The following COPS4 variants were observed in gnomAD, a reference collection of about 807,000 sequenced individuals.
The protein encoded by COPS4 is COP9 signalosome complex subunit 4.
In COPS4, 8 loss-of-function variants were observed where a neutral mutation model predicts 55.1. The ratio of observed to expected loss-of-function variants is 0.15; its 90% CI spans 0.09 to 0.26. COPS4 has a LOEUF of 0.26. Among genes scored for constraint, COPS4 ranks in the 10% least tolerant of loss-of-function variants. COPS4 has a pLI of 1.00. For missense variants in COPS4, 248 were observed against 484.0 expected (o/e 0.51, Z 4.58); for synonymous variants, 185 against 165.7 (o/e 1.12, Z -0.90).
At chr4:83,041,193 G>C (rs1411158518) in intron 1 of COPS4, among the ~76,000 whole-genome samples, 17 of 151,672 alleles carry the variant, frequency 1.1e-4, no homozygotes, top group African/African-American at 4.1e-4. Flanking sequence ...CTCCTGAGTA[G>C]CTGGGACTAC....
intron 4 of COPS4, among the ~76,000 whole-genome samples, chr4:83,055,792 A>C (rs1730998969): frequency 6.6e-6 from 1 of 152,136 alleles, no homozygotes; most frequent in African/African-American, 2.4e-5. Flanking sequence ...TAATATCATA[A>C]TGGGTGATTT....
chr4:83,057,030 C>T lies in COPS4; in HGVS notation c.515C>T (p.Ser172Leu), dbSNP rs1731031886. The T allele has an allele frequency of 5.0e-6, 8 of 1,613,872 alleles. No homozygotes were observed. Among genetic ancestry groups the T allele is most frequent in the East Asian group, 2.2e-5 (1 of 44,868 alleles). ...GCAGAGGCTTACATAAATCGAGCATCGTTGCTTCAGAATGAATCAACCAAT... is the reference window on the plus strand; with the variant it reads ...GCAGAGGCTTACATAAATCGAGCATTGTTGCTTCAGAATGAATCAACCAAT... Reference protein sequence around the residue: ...VQAEAYINRASLLQNESTNEQ... With the variant: ...VQAEAYINRALLLQNESTNEQ... Residue 172 changes from serine (S) to leucine (L), a missense_variant, in exon 5 of 10, where the codon TCG becomes TTG. Ser to Leu is a moderately radical substitution (Grantham distance 145). Transcript: ENST00000264389.
At chr4:83,055,769 A>G (rs984185727) in intron 4 of COPS4, among the ~76,000 whole-genome samples, 2 of 151,904 alleles carry the variant, frequency 1.3e-5, no homozygotes, top group Non-Finnish European at 2.9e-5. Flanking sequence ...ATGCACCACA[A>G]CTTGATCACC....
chr4:83,049,259 A>G lies in COPS4; in HGVS notation c.248A>G (p.Glu83Gly). The G allele has an allele frequency of 1.9e-6, 3 of 1,612,366 alleles. No homozygotes were observed. The highest frequency in any genetic ancestry group is 2.5e-6 in the Non-Finnish European group (3 of 1,179,450). The stretch of plus-strand genomic sequence containing the variant: ...AACTTGCCTGATAGCACAGCCAAAG[A>G]AATCTATCACTTCACCTTGGAAAAG... The part of the protein sequence containing the change: ...LPNLPDSTAK[E>G]IYHFTLEKIQ... Residue 83 changes from glutamate (E) to glycine (G), a missense_variant, in exon 3 of 10, where the codon GAA becomes GGA. This residue lies in a region of COPS4 where 155 missense variants were observed against 326.6 expected (regional missense o/e 0.47). Transcript: ENST00000264389.
intron 1 of COPS4, among the ~76,000 whole-genome samples, chr4:83,045,127 T>G (rs1016021047): frequency 6.6e-6 from 1 of 152,234 alleles, no homozygotes; most frequent in Admixed American, 6.5e-5. Flanking sequence ...CGTTGCCTGG[T>G]CAACATTATC....
At chr4:83,040,287 T>C (rs1164101388) in intron 1 of COPS4, among the ~76,000 whole-genome samples, 1 of 152,226 alleles carries the variant, frequency 6.6e-6, no homozygotes, top group Non-Finnish European at 1.5e-5. Flanking sequence ...AATTGTATCA[T>C]GCTCTTTCTG....
intron 9 of COPS4, among the ~76,000 whole-genome samples, chr4:83,072,576 ATAT>A (rs1312580976): frequency 1.3e-5 from 2 of 152,186 alleles, no homozygotes; most frequent in Admixed American, 1.3e-4. Context: ...AATTTTTCTA[ATAT>A]TATTTTACAT....
rs185758864 is a variant in COPS4, at chr4:83,059,465, A to G, written c.715+2057A>G. 1.6e-3 allele frequency among the ~76,000 whole-genome samples: 242 copies of G among 152,306 alleles called. 1 individual carries two copies. Among genetic ancestry groups the G allele is most frequent in the Non-Finnish European group, 3.0e-3 (203 of 68,032 alleles). ...GAAAGCTCCTGTTTATGTAGATTCT[A>G]TCTACTGATTATTAGAAATTAAATG... is the stretch of plus-strand genomic sequence containing the variant. On this transcript the variant is annotated intron_variant, in intron 6 of 9. Coordinates refer to ENST00000264389, the MANE Select transcript of COPS4 (RefSeq NM_016129.3).
chr4:83,048,744 C>T (rs959905497), intron 2 of COPS4, among the ~76,000 whole-genome samples: 4 of 152,020 alleles, frequency 2.6e-5, no homozygotes, highest in Admixed American at 6.6e-5. Context: ...CAGGTTCAAG[C>T]GATTCTCTTG....
intron 1 of COPS4, among the ~76,000 whole-genome samples, chr4:83,044,937 T>C (rs1316354678): frequency 6.6e-6 from 1 of 152,200 alleles, no homozygotes; most frequent in African/African-American, 2.4e-5. Context: ...AACACAAGAA[T>C]TCCTGTCCTC....
intron 7 of COPS4, chr4:83,064,915 G>GGT (rs1041655787): frequency 1.5e-5 from 2 of 134,160 alleles, no homozygotes; most frequent in Non-Finnish European, 2.8e-5. Flanking sequence ...TTTGAGACAA[G>GGT]GTCTCACTCT....
intron 6 of COPS4, among the ~76,000 whole-genome samples, chr4:83,059,170 T>C (rs1353860503): frequency 6.6e-6 from 1 of 152,226 alleles, no homozygotes; most frequent in African/African-American, 2.4e-5. Flanking sequence ...TCTTTAGATA[T>C]GAAGGAAAAT....
chr4:83,070,439 T>G (rs779605815), intron 9 of COPS4, among the ~76,000 whole-genome samples: 10 of 152,168 alleles, frequency 6.6e-5, no homozygotes, highest in Non-Finnish European at 1.3e-4. Context: ...AAAACTGAAT[T>G]TATTATCTTC....
chr4:83,050,026 T>C (rs1270114384), intron 4 of COPS4, 42 bp downstream of exon 4: 1 of 1,152,180 alleles, frequency 8.7e-7, no homozygotes, highest in South Asian at 1.4e-5. Context: ...ATATAGGATG[T>C]ATATAATTGC....
intron 6 of COPS4, among the ~76,000 whole-genome samples, chr4:83,058,474 C>T (rs1731071059): frequency 6.6e-6 from 1 of 152,198 alleles, no homozygotes; most frequent in Non-Finnish European, 1.5e-5. Context: ...CTGCCTTGGC[C>T]TCCCAAAGTG....
Position 83,068,364 on chromosome 4 carries a change from T to G in COPS4, c.1003-74T>G, listed in dbSNP as rs1214573133. 4 of 1,002,624 alleles carry G rather than the reference T, an allele frequency of 4.0e-6. No homozygotes were observed. The African/African-American group carries it at 6.5e-5, about 16-fold the overall frequency. The allele number at this position is 1,002,624 out of a possible 1,614,324, so 62.1% of individuals were successfully genotyped here. A position where few individuals can be genotyped will look rare whatever the true frequency, so the allele number is the denominator to read the frequency against. On this transcript the variant is annotated intron_variant, in intron 8 of 9. Coordinates refer to ENST00000264389, the MANE Select transcript of COPS4 (RefSeq NM_016129.3). The stretch of plus-strand genomic sequence containing the variant: ...AGTGATGGTAGTTAAACCAGAAGCT[T>G]TCTGTTCTCTTTTCATATGTGAATA...
chr4:83,072,955 T>C (rs932838672), intron 9 of COPS4, among the ~76,000 whole-genome samples: 2 of 152,106 alleles, frequency 1.3e-5, no homozygotes, highest in African/African-American at 4.8e-5. Context: ...GGTGGAAGAA[T>C]TGCTTGAGCT....
intron 4 of COPS4, among the ~76,000 whole-genome samples, chr4:83,055,917 CTTTTT>C (rs770041926): frequency 6.7e-4 from 88 of 130,480 alleles, no homozygotes; most frequent in Non-Finnish European, 1.2e-3. Flanking sequence ...CTTTTCTTTT[CTTTTT>C]TTTCTTTTTC....
chr4:83,065,812 G>A (rs1198087622), intron 7 of COPS4, among the ~76,000 whole-genome samples: 2 of 152,228 alleles, frequency 1.3e-5, no homozygotes, highest in East Asian at 3.8e-4. Flanking sequence ...AGAACAGGTT[G>A]CATGATTGTT....
Sources: allele counts gnomAD v4.1 joint callset (sites outside exome capture counted in the v4.1 genomes callset), GRCh38; gene constraint gnomAD v4.1.1; regional missense constraint gnomAD v4.1.1; transcripts MANE v1.5; gene names NCBI Gene and HGNC (gene_info 2026-07-23, HGNC 2026-07-21).